The following PDE7B variants were observed in gnomAD, a reference collection of about 807,000 sequenced individuals.
The protein encoded by PDE7B is phosphodiesterase 7B, also known as 3',5'-cyclic-AMP phosphodiesterase 7B.
In PDE7B, 29 loss-of-function variants were observed where a neutral mutation model predicts 56.2. The ratio of observed to expected loss-of-function variants is 0.52; its 90% CI spans 0.38 to 0.70. The LOEUF (loss-of-function observed/expected upper bound fraction) is 0.70. Ranked by LOEUF, PDE7B falls within the 30% of genes least tolerant of loss-of-function variation. The probability of loss-of-function intolerance (pLI) is 0.00; values close to 1 mark genes in which losing one functional copy is unlikely to be tolerated. For missense variants in PDE7B, 490 were observed against 565.0 expected (o/e 0.87, Z 1.35); for synonymous variants, 197 against 196.9 (o/e 1.00, Z 0.00).
intron 2 of PDE7B, among the ~76,000 whole-genome samples, chr6:135,979,625 T>A (rs1022517161): frequency 5.9e-5 from 9 of 152,068 alleles, no homozygotes; most frequent in Non-Finnish European, 1.3e-4. Flanking sequence ...TGTGTAAAAA[T>A]CACAAGTATT....
At chr6:136,041,389 C>T (rs1338584815) in intron 2 of PDE7B, among the ~76,000 whole-genome samples, 1 of 152,174 alleles carries the variant, frequency 6.6e-6, no homozygotes, top group Non-Finnish European at 1.5e-5. Flanking sequence ...GTGAAATACG[C>T]TGAATTAGGA....
In PDE7B at chr6:136,151,268, T is replaced by A. The variant is rs778428416; in HGVS notation, c.478+13T>A. 1 of 1,344,234 alleles carries A rather than the reference T, an allele frequency of 7.4e-7. No homozygotes were observed. Among genetic ancestry groups the A allele is most frequent in the East Asian group, 2.3e-5 (1 of 43,608 alleles). The allele number at this position is 1,344,234 out of a possible 1,614,324, so 83.3% of individuals were successfully genotyped here. On this transcript the variant is annotated intron_variant, in intron 6 of 12. Coordinates refer to ENST00000308191, the MANE Select transcript of PDE7B (RefSeq NM_018945.4). ...CACCGATTTTTAGGTAAGTCCTTTT[T>A]TTCACATTTCTAGCCCCATTCTCTT...
chr6:136,088,388 TACAA>T (rs1777327380), intron 2 of PDE7B, among the ~76,000 whole-genome samples: 1 of 152,194 alleles, frequency 6.6e-6, no homozygotes, highest in African/African-American at 2.4e-5. Context: ...TTCATAAATT[TACAA>T]ACACTCATTG....
In PDE7B at chr6:136,008,198, G is replaced by A. The variant is rs555348226; in HGVS notation, c.82+60674G>A. Among the ~76,000 whole-genome samples the A allele has an allele frequency of 2.9e-3, 446 of 152,166 alleles. 2 individuals carry two copies. Among genetic ancestry groups the A allele is most frequent in the African/African-American group, 0.01 (417 of 41,524 alleles). Reference sequence around the variant, plus strand: ...TTACGGCTGCATAGTATTCCATGGTGTATATGTGCCACATTTTCTTAATCC... The same window carrying A: ...TTACGGCTGCATAGTATTCCATGGTATATATGTGCCACATTTTCTTAATCC... On this transcript the variant is annotated intron_variant, in intron 2 of 12. Transcript: ENST00000308191.
At chr6:136,140,371 T>C (rs1306922962) in intron 3 of PDE7B, among the ~76,000 whole-genome samples, 2 of 152,202 alleles carry the variant, frequency 1.3e-5, no homozygotes, top group African/African-American at 4.8e-5. Context: ...TTGGTTACTG[T>C]AGCCTTGCAG....
chr6:135,908,726 C>A (rs182989841), intron 1 of PDE7B, among the ~76,000 whole-genome samples: 316 of 152,240 alleles, frequency 2.1e-3, no homozygotes, highest in Non-Finnish European at 3.8e-3. Context: ...GCACAAGTAT[C>A]CAATTTGTTC....
At chr6:135,992,112 G>A (rs9494433) in intron 2 of PDE7B, 12,406 of 153,400 alleles carry the variant, frequency 0.081, 828 homozygotes, top group African/African-American at 0.18. Flanking sequence ...TTAGACCAGG[G>A]GTGTCCAACC....
intron 3 of PDE7B, among the ~76,000 whole-genome samples, chr6:136,128,569 G>A (rs1011037135): frequency 6.6e-6 from 1 of 151,830 alleles, no homozygotes; most frequent in African/African-American, 2.4e-5. Flanking sequence ...CCCCACCCCT[G>A]GGCAAAATTA....
chr6:135,876,040 TA>T (rs1437986238), intron 1 of PDE7B, among the ~76,000 whole-genome samples: 4 of 151,908 alleles, frequency 2.6e-5, no homozygotes, highest in Admixed American at 6.6e-5. Flanking sequence ...GGGAAAGGAA[TA>T]GATAGAGACA....
At chr6:136,013,241 A>G (rs1775922881) in intron 2 of PDE7B, among the ~76,000 whole-genome samples, 1 of 152,252 alleles carries the variant, frequency 6.6e-6, no homozygotes. Flanking sequence ...TAAATAAGTT[A>G]TGCAATAAGC....
Position 135,940,957 on chromosome 6 carries a change from C to T in PDE7B, c.22-6507C>T, listed in dbSNP as rs180752740. Among the ~76,000 whole-genome samples the T allele has an allele frequency of 2.5e-3, 375 of 152,290 alleles. 1 individual carries two copies. Among genetic ancestry groups the T allele is most frequent in the Admixed American group, 4.1e-3 (63 of 15,296 alleles). Reference sequence around the variant, plus strand: ...AGACATTTAGGGATTCAGTGGTAAGCAAATAAAATAGATGCAATCCCAATA... The same window carrying T: ...AGACATTTAGGGATTCAGTGGTAAGTAAATAAAATAGATGCAATCCCAATA... On this transcript the variant is annotated intron_variant, in intron 1 of 12. Transcript: ENST00000308191.
At chr6:136,070,120 T>A (rs548882668) in intron 2 of PDE7B, 1 of 151,826 alleles carries the variant, frequency 6.6e-6, no homozygotes, top group Admixed American at 6.6e-5. Flanking sequence ...TCAGCTGCAC[T>A]GTATCTTAAA....
intron 4 of PDE7B, among the ~76,000 whole-genome samples, chr6:136,147,709 T>C (rs1340318668): frequency 6.6e-6 from 1 of 152,226 alleles, no homozygotes; most frequent in African/African-American, 2.4e-5. Context: ...GTAAACCATG[T>C]TTATGTGCTG....
chr6:136,076,200 G>A (rs1225823048), intron 2 of PDE7B, among the ~76,000 whole-genome samples: 2 of 152,200 alleles, frequency 1.3e-5, no homozygotes, highest in Non-Finnish European at 2.9e-5. Context: ...GCCGGGCATG[G>A]TGGCTCATGC....
intron 2 of PDE7B, among the ~76,000 whole-genome samples, chr6:135,988,135 T>TA (rs967444063): frequency 2.0e-5 from 3 of 152,158 alleles, no homozygotes; most frequent in African/African-American, 7.2e-5. Flanking sequence ...ATCATAGAAC[T>TA]AATTGAAGTT....
chr6:135,883,540 AATAG>A (rs1458508580), intron 1 of PDE7B, among the ~76,000 whole-genome samples: 2 of 152,236 alleles, frequency 1.3e-5, no homozygotes, highest in African/African-American at 4.8e-5. Context: ...ATGAGTCTGC[AATAG>A]ACGGTGCTTT....
chr6:136,103,163 C>CT, intron 2 of PDE7B, among the ~76,000 whole-genome samples: 1 of 152,182 alleles, frequency 6.6e-6, no homozygotes, highest in Non-Finnish European at 1.5e-5. Flanking sequence ...AAGCCTCCTA[C>CT]TTAGCCAGTT....
chr6:136,040,010 ATTAGTGAACATCT>A (rs1434460636), intron 2 of PDE7B, among the ~76,000 whole-genome samples: 1 of 152,186 alleles, frequency 6.6e-6, no homozygotes, highest in African/African-American at 2.4e-5. Flanking sequence ...TATGTTCTAT[ATTAGTGAACATCT>A]AATTCCTGAA....
At chr6:136,059,226 C>G (rs931280430) in intron 2 of PDE7B, among the ~76,000 whole-genome samples, 3 of 152,116 alleles carry the variant, frequency 2.0e-5, no homozygotes, top group Admixed American at 6.5e-5. Flanking sequence ...ATAACTCCCA[C>G]AAGGTTAGTC....
Sources: allele counts gnomAD v4.1 joint callset (sites outside exome capture counted in the v4.1 genomes callset), GRCh38; gene constraint gnomAD v4.1.1; transcripts MANE v1.5; gene names NCBI Gene and HGNC (gene_info 2026-07-23, HGNC 2026-07-21).